Variants in SYT16 observed in about 807,000 individuals in gnomAD.
The protein encoded by SYT16 is synaptotagmin 16, also known as synaptotagmin-16.
A neutral mutation model predicts 61.4 loss-of-function variants in SYT16; 42 were observed. That is an observed-to-expected ratio of 0.68 (90% confidence interval 0.53 to 0.89). SYT16 has a LOEUF of 0.89. Among genes scored for constraint, SYT16 ranks in the 40% least tolerant of loss-of-function variants. The probability of loss-of-function intolerance (pLI) is 0.00; values close to 1 mark genes in which losing one functional copy is unlikely to be tolerated. For missense variants in SYT16, 804 were observed against 807.3 expected (o/e 1.00, Z 0.05); for synonymous variants, 314 against 302.3 (o/e 1.04, Z -0.40).
intron 1 of SYT16, among the ~76,000 whole-genome samples, chr14:61,869,185 C>T (rs1345085171): frequency 6.6e-6 from 1 of 151,930 alleles, no homozygotes; most frequent in African/African-American, 2.4e-5. Flanking sequence ...GTATTTCCTG[C>T]AGATAGCATA....
chr14:61,890,024 T>C (rs2048061964), intron 1 of SYT16, among the ~76,000 whole-genome samples: 1 of 152,052 alleles, frequency 6.6e-6, no homozygotes, highest in Non-Finnish European at 1.5e-5. Context: ...TCAGGCCAGA[T>C]TCGGTAAATA....
At chr14:62,087,251 G>A (rs1274161391) in intron 7 of SYT16, among the ~76,000 whole-genome samples, 1 of 152,236 alleles carries the variant, frequency 6.6e-6, no homozygotes, top group Non-Finnish European at 1.5e-5. Flanking sequence ...GAGAGGACAG[G>A]AGCCAGGAGA....
chr14:62,061,846 A>G (rs2055840589), intron 3 of SYT16, among the ~76,000 whole-genome samples: 1 of 152,170 alleles, frequency 6.6e-6, no homozygotes, highest in South Asian at 2.1e-4. Context: ...GAAAAAAAAC[A>G]GCAAGTATAT....
chr14:62,022,445 G>T (rs2053946225), intron 3 of SYT16, among the ~76,000 whole-genome samples: 1 of 151,972 alleles, frequency 6.6e-6, no homozygotes, highest in East Asian at 1.9e-4. Flanking sequence ...CTGTTTCTGC[G>T]AGTTCTCTTT....
chr14:62,016,038 G>A (rs1024749732), intron 3 of SYT16, among the ~76,000 whole-genome samples: 4 of 152,128 alleles, frequency 2.6e-5, no homozygotes, highest in Non-Finnish European at 5.9e-5. Context: ...CACCGTTACC[G>A]TGAACAGCTG....
At chr14:62,003,409 A>C (rs1227467640) in intron 3 of SYT16, among the ~76,000 whole-genome samples, 1 of 151,310 alleles carries the variant, frequency 6.6e-6, no homozygotes, top group African/African-American at 2.4e-5. Context: ...TTTACAAATA[A>C]CTGGAAAATA....
intron 1 of SYT16, among the ~76,000 whole-genome samples, chr14:61,929,323 T>G (rs2049667878): frequency 6.6e-6 from 1 of 152,166 alleles, no homozygotes; most frequent in Non-Finnish European, 1.5e-5. Context: ...GAAATACAAT[T>G]CTAGGTGTTT....
intron 3 of SYT16, among the ~76,000 whole-genome samples, chr14:62,065,921 G>T (rs1359927519): frequency 6.6e-6 from 1 of 152,160 alleles, no homozygotes; most frequent in Non-Finnish European, 1.5e-5. Flanking sequence ...AGTAATGCTG[G>T]GAAATCCAGT....
At chr14:62,011,733 A>G (rs1225104115) in intron 3 of SYT16, among the ~76,000 whole-genome samples, 5 of 151,956 alleles carry the variant, frequency 3.3e-5, no homozygotes, top group Non-Finnish European at 5.9e-5. Flanking sequence ...TTGACATTGA[A>G]TGCTGTTTAC....
rs550263666 is a variant in SYT16 at position 61,822,943 on chromosome 14, A to G, written c.-325+10133A>G. Among the ~76,000 whole-genome samples, 35 of 152,272 alleles carry G rather than the reference A, an allele frequency of 2.3e-4. No individual in the cohort carries two copies. In the East Asian group the frequency reaches 2.7e-3, roughly 12 times the overall value. Reference sequence around the variant, plus strand: ...ACCTTGCCAATGTGTGAGGCATTATATGGGCATAGGGTATTACTTAAAGTT... The same window carrying G: ...ACCTTGCCAATGTGTGAGGCATTATGTGGGCATAGGGTATTACTTAAAGTT... On this transcript the variant is annotated intron_variant, in intron 1 of 7. Coordinates refer to ENST00000683842, the MANE Select transcript of SYT16 (RefSeq NM_001367656.1).
chr14:61,995,112 G>A (rs1454877332), intron 2 of SYT16, among the ~76,000 whole-genome samples: 2 of 152,098 alleles, frequency 1.3e-5, no homozygotes, highest in African/African-American at 4.8e-5. Flanking sequence ...ACATGTAAAA[G>A]TATAAATATT....
intron 1 of SYT16, among the ~76,000 whole-genome samples, chr14:61,864,504 C>T (rs2047070348): frequency 6.6e-6 from 1 of 152,274 alleles, no homozygotes; most frequent in African/African-American, 2.4e-5. Flanking sequence ...CAGCGTGGGC[C>T]GCCTTGGCCT....
intron 5 of SYT16, 43 bp from the exon 6 acceptor site, chr14:62,080,791 T>C (rs747873306): frequency 1.2e-5 from 18 of 1,542,122 alleles, no homozygotes; most frequent in Non-Finnish European, 1.5e-5. Context: ...TGTAATTGGG[T>C]ATCATCATTT....
At position 61,969,841 on chromosome 14, in the gene SYT16, G is replaced by C. The variant is rs1282541488; in HGVS notation, c.-324-291G>C. 2.0e-5 allele frequency among the ~76,000 whole-genome samples: 3 copies of C among 152,186 alleles called. No homozygotes were observed. In the East Asian group the frequency reaches 5.8e-4, roughly 29 times the overall value. On this transcript the variant is annotated intron_variant, in intron 1 of 7. Transcript: ENST00000683842. ...TGTTTGAAGTTGAATACTGGGCTGA[G>C]GACAGGAGCAAGAAGAGTTGTACTC... is the stretch of plus-strand genomic sequence containing the variant.
At chr14:62,028,883 C>G (rs1282348510) in intron 3 of SYT16, among the ~76,000 whole-genome samples, 7 of 151,912 alleles carry the variant, frequency 4.6e-5, no homozygotes, top group Non-Finnish European at 2.9e-5. Context: ...ATGACAGTAC[C>G]TTAAAGTGTA....
intron 1 of SYT16, among the ~76,000 whole-genome samples, chr14:61,969,645 G>A (rs899340229): frequency 1.3e-5 from 2 of 152,146 alleles, no homozygotes; most frequent in Non-Finnish European, 2.9e-5. Context: ...ATGTATCCAG[G>A]AAATGACTTT....
chr14:62,035,456 G>A (rs915453995), intron 3 of SYT16, among the ~76,000 whole-genome samples: 2 of 152,132 alleles, frequency 1.3e-5, no homozygotes, highest in Non-Finnish European at 2.9e-5. Context: ...GAAGATAAAG[G>A]TTGGATACAA....
chr14:61,852,245 T>A (rs2046639953), intron 1 of SYT16, among the ~76,000 whole-genome samples: 4 of 152,202 alleles, frequency 2.6e-5, no homozygotes, highest in Admixed American at 2.0e-4. Flanking sequence ...GCAGTCTTAT[T>A]TCTGAGATGT....
At chr14:62,045,917 G>T (rs2054959935) in intron 3 of SYT16, among the ~76,000 whole-genome samples, 1 of 152,298 alleles carries the variant, frequency 6.6e-6, no homozygotes, top group Admixed American at 6.5e-5. Flanking sequence ...AAACATACGT[G>T]TGCCTGTGTC....
Sources: allele counts gnomAD v4.1 joint callset (sites outside exome capture counted in the v4.1 genomes callset), GRCh38; gene constraint gnomAD v4.1.1; transcripts MANE v1.5; gene names NCBI Gene and HGNC (gene_info 2026-07-23, HGNC 2026-07-21).